Variants in CELSR1 observed in about 807,000 individuals in gnomAD.
The protein encoded by CELSR1 is cadherin EGF LAG seven-pass G-type receptor 1, also known as adhesion G protein-coupled receptor C1.
In CELSR1, 110 loss-of-function variants were observed where a neutral mutation model predicts 249.1. The ratio of observed to expected loss-of-function variants is 0.44; its 90% CI spans 0.38 to 0.52. The LOEUF is 0.52. Among genes scored for constraint, CELSR1 ranks in the 20% least tolerant of loss-of-function variants. The probability of loss-of-function intolerance (pLI) is 0.00; values close to 1 mark genes in which losing one functional copy is unlikely to be tolerated. For synonymous variants in CELSR1, 2,113 were observed against 1,900.0 expected (o/e 1.11, Z -2.92); for missense variants, 4,109 against 4,296.4 (o/e 0.96, Z 1.22).
At chr22:46,496,424 C>T (rs2080414228) in intron 1 of CELSR1, among the ~76,000 whole-genome samples, 1 of 151,884 alleles carries the variant, frequency 6.6e-6, no homozygotes, top group Non-Finnish European at 1.5e-5. Flanking sequence ...AAAAACTAGC[C>T]TGGTGTGGTG....
intron 1 of CELSR1, among the ~76,000 whole-genome samples, chr22:46,528,115 A>C (rs1317622588): frequency 1.3e-5 from 2 of 151,784 alleles, no homozygotes; most frequent in Non-Finnish European, 2.9e-5. Flanking sequence ...AAAAAAAAAA[A>C]AAGGTCCGAT....
In CELSR1 at chr22:46,429,857, C is replaced by T. The variant is rs1277752631; in HGVS notation, c.4611+3536G>A. ...TTGATGCTCTAGGACTAAGGGCCAT[C>T]GCAGCTCCGCTGGCACTGCCTCCAG... On this transcript the variant is annotated intron_variant, in intron 5 of 34. Coordinates refer to ENST00000674500, the MANE Select transcript of CELSR1 (RefSeq NM_001378328.1). The surrounding 1 kb of genome is among the most constrained non-coding windows in gnomAD (Gnocchi z 4.1). Among the ~76,000 whole-genome samples, 3 of 152,220 alleles carry T rather than the reference C, an allele frequency of 2.0e-5. No individual in the cohort carries two copies. Among genetic ancestry groups the T allele is most frequent in the East Asian group, 3.9e-4 (2 of 5,190 alleles).
chr22:46,503,478 G>A lies in CELSR1; in HGVS notation c.3544+30149C>T, dbSNP rs113638169. 7.6e-3 allele frequency among the ~76,000 whole-genome samples: 1,157 copies of A among 152,296 alleles called. 19 individuals carry two copies. Among genetic ancestry groups the A allele is most frequent in the African/African-American group, 0.027 (1,120 of 41,560 alleles). On this transcript the variant is annotated intron_variant, in intron 1 of 34. Coordinates refer to ENST00000674500, the MANE Select transcript of CELSR1 (RefSeq NM_001378328.1). The stretch of plus-strand genomic sequence containing the variant: ...ACAGCCGTCCCCACTGTGACCACGG[G>A]AGGCTACTGAGACACAGGAAGAACC...
chr22:46,432,329 G>A (rs1219652439), intron 5 of CELSR1, among the ~76,000 whole-genome samples: 2 of 152,318 alleles, frequency 1.3e-5, no homozygotes, highest in South Asian at 2.1e-4. Flanking sequence ...CAGGCACAGT[G>A]GCTGTGAAAG....
At position 46,441,152 on chromosome 22, in the gene CELSR1, CA is replaced by C. The variant is rs553328237; in HGVS notation, c.4184-1742del. On this transcript the variant is annotated intron_variant, in intron 2 of 34. Coordinates refer to ENST00000674500, the MANE Select transcript of CELSR1 (RefSeq NM_001378328.1). This position sits in a 1 kb window ranked among gnomAD's most constrained non-coding sequence, Gnocchi z 6.1. ...TAGGTGCCAGAGCGAGACTTCATTTCAAAAAAAAAAAAAAAAGAGAGACTGC... is the reference window on the plus strand; with the variant it reads ...TAGGTGCCAGAGCGAGACTTCATTTCAAAAAAAAAAAAAAAGAGAGACTGC... Among the ~76,000 whole-genome samples, 9,470 of 106,350 alleles carry C rather than the reference CA, an allele frequency of 0.089. 986 individuals are homozygous for C. Among genetic ancestry groups the C allele is most frequent in the African/African-American group, 0.28 (8,611 of 31,058 alleles). 69.8% of individuals were successfully genotyped at this position (106,350 alleles called of 152,430 possible).
intron 24 of CELSR1, among the ~76,000 whole-genome samples, chr22:46,375,368 A>G (rs983426765): frequency 2.6e-5 from 4 of 151,668 alleles, no homozygotes; most frequent in African/African-American, 9.7e-5. Flanking sequence ...GGAGACGTCA[A>G]ACTCCCCTGA....
Position 46,535,881 on chromosome 22 carries a change from G to A in CELSR1, c.1290C>T (p.Asn430=), listed in dbSNP as rs566781892. The A allele has an allele frequency of 5.0e-6, 8 of 1,609,900 alleles. No homozygotes were observed. Among genetic ancestry groups the A allele is most frequent in the African/African-American group, 2.7e-5 (2 of 75,024 alleles). The change falls in exon 1 of 35, where the codon AAC becomes AAT. Residue 430 remains asparagine (N), a synonymous_variant. Coordinates refer to ENST00000674500, the MANE Select transcript of CELSR1 (RefSeq NM_001378328.1). ...AAEYQLLVEA[N]DQGRNPGPLS... ...GCGGGCCCGGATTGCGCCCCTGGTC[G>A]TTGGCCTCCACCAGGAGCTGGTACT...
intron 1 of CELSR1, among the ~76,000 whole-genome samples, chr22:46,491,926 G>A (rs71313051): frequency 3.9e-5 from 6 of 152,118 alleles, no homozygotes; most frequent in East Asian, 1.9e-4. Context: ...CATGAGCCAC[G>A]ATGTCGCGCC....
rs932695636 is a variant in CELSR1, at chr22:46,427,106, T to C, written c.4611+6287A>G. 2.6e-5 allele frequency among the ~76,000 whole-genome samples: 4 copies of C among 152,150 alleles called. No individual in the cohort carries two copies. Among genetic ancestry groups the C allele is most frequent in the East Asian group, 1.9e-4 (1 of 5,192 alleles). ...TATGAAGTGTGTGTGCATGTATATA[T>C]GTACACACACACACACCTACACAGA... On this transcript the variant is annotated intron_variant, in intron 5 of 34. Transcript: ENST00000674500. This position sits in a 1 kb window ranked among gnomAD's most constrained non-coding sequence, Gnocchi z 4.2.
chr22:46,486,161 G>C (rs1194804368), intron 1 of CELSR1, among the ~76,000 whole-genome samples: 1 of 151,276 alleles, frequency 6.6e-6, no homozygotes, highest in African/African-American at 2.4e-5. Context: ...GGATGGTCTC[G>C]ATCTCCTGAC....
Position 46,389,371 on chromosome 22 carries a change from C to T in CELSR1, c.6474G>A (p.Gln2158=), listed in dbSNP as rs764182659. The change falls in exon 18 of 35, where the codon CAG becomes CAA. Residue 2158 remains glutamine, a synonymous_variant. Transcript: ENST00000674500. ...LFGNDVRTAY[Q]LLGHVLQHES... Reference sequence around the variant, plus strand: ...CGTGCTGAAGGACGTGGCCCAGCAGCTGGTAGGCCGTGCGCACGTCATTGC... The same window carrying T: ...CGTGCTGAAGGACGTGGCCCAGCAGTTGGTAGGCCGTGCGCACGTCATTGC... 1.2e-6 allele frequency: 2 copies of T among 1,610,992 alleles called. No individual in the cohort carries two copies. The highest frequency in any genetic ancestry group is 1.7e-6 in the Non-Finnish European group (2 of 1,179,862).
At chr22:46,528,859 G>A (rs915566991) in intron 1 of CELSR1, among the ~76,000 whole-genome samples, 6 of 151,770 alleles carry the variant, frequency 4.0e-5, no homozygotes, top group Admixed American at 6.6e-5. Flanking sequence ...AACCCGGGAG[G>A]CGGAGCTTGC....
intron 1 of CELSR1, among the ~76,000 whole-genome samples, chr22:46,519,888 T>C (rs950617397): frequency 4.6e-5 from 7 of 151,486 alleles, no homozygotes; most frequent in South Asian, 2.1e-4. Flanking sequence ...TTTTTTTTTT[T>C]CTGAGACAGA....
At chr22:46,524,570 GT>G (rs1569218302) in intron 1 of CELSR1, among the ~76,000 whole-genome samples, 9 of 63,610 alleles carry the variant, frequency 1.4e-4, no homozygotes, top group South Asian at 1.4e-3. Flanking sequence ...GTGTGTGTGT[GT>G]CTGTCTGTCT....
rs1482745800 is a variant in CELSR1, at chr22:46,534,987, G to A, written c.2184C>T (p.Asn728=). 3 of 1,611,906 alleles carry A rather than the reference G, an allele frequency of 1.9e-6. No homozygotes were observed. Among genetic ancestry groups the A allele is most frequent in the African/African-American group, 1.3e-5 (1 of 74,908 alleles). The change falls in exon 1 of 35, where the codon AAC becomes AAT. Residue 728 remains asparagine (N), a synonymous_variant. Coordinates refer to ENST00000674500, the MANE Select transcript of CELSR1 (RefSeq NM_001378328.1). The surrounding 1 kb of genome is among the most constrained non-coding windows in gnomAD (Gnocchi z 9.7). ...TGCTGAGTGCAAAGCGGTTCCGGGT[G>A]TTGCCGCCTGTGAGCTGGTAGGTAA... ...SVITYQLTGG[N]TRNRFALSSQ...
At position 46,397,761 on chromosome 22, in the gene CELSR1, C is replaced by T. The variant is rs2079166001; in HGVS notation, c.5614G>A (p.Val1872Met). The part of the protein sequence containing the change: ...LKVRVKDGCD[V>M]DDPCTSSPCP... ...GGGCTCGAGGTACAGGGGTCGTCCA[C>T]ATCACAGCCGTCCTTCACCCTGACC... Residue 1872 changes from valine (V) to methionine (M), a missense_variant, in exon 12 of 35, where the codon GTG (valine) becomes ATG (methionine). This residue lies in a region of CELSR1 where 1,805 missense variants were observed against 1,831.6 expected (regional missense o/e 0.99). Coordinates refer to ENST00000674500, the MANE Select transcript of CELSR1 (RefSeq NM_001378328.1). The T allele has an allele frequency of 6.2e-7, 1 of 1,603,406 alleles. No homozygotes were observed.
chr22:46,463,102 T>G lies in CELSR1; in HGVS notation c.4183+605A>C, dbSNP rs577670566. Among the ~76,000 whole-genome samples, 6 of 152,360 alleles carry G rather than the reference T, an allele frequency of 3.9e-5. 1 individual carries two copies. The South Asian group carries it at 1.2e-3, about 32-fold the overall frequency. On this transcript the variant is annotated intron_variant, in intron 2 of 34. Transcript: ENST00000674500. The stretch of plus-strand genomic sequence containing the variant: ...TCATTTCATGCGTTTAGGTTTTCTT[T>G]TAAGTGGATCTCACCCTGTAACCTT...
chr22:46,482,890 A>G (rs2080280189), intron 1 of CELSR1, among the ~76,000 whole-genome samples: 1 of 152,194 alleles, frequency 6.6e-6, no homozygotes, highest in Admixed American at 6.5e-5. Context: ...GAGTGCTGGC[A>G]TGGAGCAGAC....
In CELSR1 at chr22:46,463,907, G is replaced by A. The variant is rs1365484862; in HGVS notation, c.3983C>T (p.Ala1328Val). 4.3e-6 allele frequency: 7 copies of A among 1,613,732 alleles called. No individual in the cohort carries two copies. The highest frequency in any genetic ancestry group is 3.3e-5 in the Admixed American group (2 of 59,986). The change falls in exon 2 of 35, where the codon GCG becomes GTG. Residue 1328 changes from alanine (A) to valine (V), a missense_variant. By Grantham distance (64) the Ala-to-Val change is moderately conservative (BLOSUM62 0). Around this residue, in one of 7 missense-constraint regions of CELSR1, gnomAD observed 141 missense variants for 209.4 expected, o/e 0.67. Transcript: ENST00000674500. ...CACGGTGGTGGAGCTGAGGAAGGGC[G>A]CGGAGCTGTCGAATCGCAGAACGGA... ...CVSVLRFDSSAPFLSSTTVLF... is the reference protein window; with the variant it reads ...CVSVLRFDSSVPFLSSTTVLF...
Sources: gnomAD v4.1 joint callset for allele counts (sites outside exome capture counted in the v4.1 genomes callset) on GRCh38, gnomAD v4.1.1 for gene constraint, gnomAD v4.1.1 regional missense constraint, Gnocchi (gnomAD v3.1) non-coding constraint, MANE v1.5 for transcripts, NCBI Gene and HGNC (gene_info 2026-07-23, HGNC 2026-07-21) for gene names.